ATP7A: variants seen among roughly 807,000 people sequenced by gnomAD.
ATP7A encodes the protein copper-transporting ATPase 1.
ATP7A carries 7 observed loss-of-function variants against 83.5 expected under a neutral mutation model. That is an observed-to-expected ratio of 0.08 (90% CI 0.05 to 0.16). The LOEUF is 0.16. Ranked by LOEUF, ATP7A falls within the 10% of genes least tolerant of loss-of-function variation. ATP7A has a pLI of 1.00. For missense variants in ATP7A, 940 were observed against 1,120.8 expected (o/e 0.84, Z 2.30); for synonymous variants, 354 against 395.2 (o/e 0.90, Z 1.24).
intron 1 of ATP7A, among the ~76,000 whole-genome samples, chrX:77,959,135 G>A (rs782714261): frequency 9.0e-6 from 1 of 110,723 alleles, no homozygotes; most frequent in Non-Finnish European, 1.9e-5. Flanking sequence ...CCTTGGTTAA[G>A]TTTATTCCTA....
chrX:77,955,574 A>G (rs1409176463), intron 1 of ATP7A, among the ~76,000 whole-genome samples: 1 of 111,842 alleles, frequency 8.9e-6, no homozygotes, highest in Non-Finnish European at 1.9e-5. Flanking sequence ...TGATACATCT[A>G]CATGTTGTAC....
At chrX:77,959,961 G>A (rs782120136) in intron 1 of ATP7A, among the ~76,000 whole-genome samples, 3 of 112,282 alleles carry the variant, frequency 2.7e-5, no homozygotes, top group Non-Finnish European at 5.6e-5. Context: ...GAGAGATCCT[G>A]TTTCTCCATA....
At chrX:78,037,986 T>G (rs1271009873) in intron 17 of ATP7A, among the ~76,000 whole-genome samples, 1 of 89,274 alleles carries the variant, frequency 1.1e-5, no homozygotes, top group Admixed American at 1.2e-4. Context: ...AAAGGTTTTT[T>G]TTTTTTTTTT....
intron 14 of ATP7A, among the ~76,000 whole-genome samples, chrX:78,026,597 T>C (rs939666160): frequency 8.9e-6 from 1 of 111,972 alleles, no homozygotes; most frequent in East Asian, 2.8e-4. Flanking sequence ...CTAATAGATA[T>C]CTACGGAATA....
At chrX:77,970,558 G>A (rs1557229548) in intron 1 of ATP7A, among the ~76,000 whole-genome samples, 1 of 111,561 alleles carries the variant, frequency 9.0e-6, no homozygotes, top group African/African-American at 3.3e-5. Flanking sequence ...CGTAATCTCA[G>A]GTACTGGGGA....
At chrX:78,018,649 T>C (rs1437340425) in intron 12 of ATP7A, among the ~76,000 whole-genome samples, 2 of 112,316 alleles carry the variant, frequency 1.8e-5, no homozygotes, top group Non-Finnish European at 3.8e-5. Context: ...CTTCCGCATT[T>C]TCAAGTATCT....
At chrX:77,918,688 C>T (rs1377825968) in intron 1 of ATP7A, among the ~76,000 whole-genome samples, 4 of 111,215 alleles carry the variant, frequency 3.6e-5, no homozygotes, top group Non-Finnish European at 7.5e-5. Flanking sequence ...ACCAGTAGAT[C>T]CCGATTTGCA....
intron 1 of ATP7A, among the ~76,000 whole-genome samples, chrX:77,944,648 G>A: frequency 9.2e-6 from 1 of 108,736 alleles, no homozygotes; most frequent in East Asian, 2.9e-4. Flanking sequence ...TGTTGCCCAG[G>A]CTGATCTTGA....
At chrX:78,008,415 C>T (rs985315342) in intron 6 of ATP7A, among the ~76,000 whole-genome samples, 1 of 111,429 alleles carries the variant, frequency 9.0e-6, no homozygotes, top group Admixed American at 9.6e-5. Context: ...ACTATAACCC[C>T]ACTCAAGATA....
intron 2 of ATP7A, among the ~76,000 whole-genome samples, chrX:77,978,262 G>C (rs1391014627): frequency 1.8e-5 from 2 of 110,374 alleles, no homozygotes; most frequent in Non-Finnish European, 3.8e-5. Context: ...GGGTTAGTAG[G>C]CTATTTGGCT....
Position 78,046,771 on chromosome X carries a change from T to G in ATP7A, c.*201T>G. The stretch of plus-strand genomic sequence containing the variant: ...GAACCTAGCTTTATTTAAACTGAAT[T>G]TCCAGTATATTTTTGTTTTCACTAA... On this transcript the variant is annotated 3_prime_UTR_variant, in exon 23 of 23. Transcript: ENST00000341514. The G allele has an allele frequency of 2.0e-6, 1 of 505,027 alleles. No homozygotes were observed. The highest frequency in any genetic ancestry group is 2.4e-5 in the African/African-American group (1 of 42,409). 41.6% of individuals were successfully genotyped at this position (505,027 alleles called of 1,213,427 possible). A position where few individuals can be genotyped will look rare whatever the true frequency, so the allele number is the denominator to read the frequency against.
chrX:78,040,078 C>G (rs1316590630), intron 18 of ATP7A, among the ~76,000 whole-genome samples: 1 of 110,830 alleles, frequency 9.0e-6, no homozygotes, highest in Non-Finnish European at 1.9e-5. Flanking sequence ...TTTACTATGG[C>G]CTTTTTAGGT....
intron 1 of ATP7A, among the ~76,000 whole-genome samples, chrX:77,916,598 C>T (rs1396679204): frequency 9.0e-6 from 1 of 110,645 alleles, no homozygotes; most frequent in Non-Finnish European, 1.9e-5. Context: ...TCCACATTCC[C>T]TAATTGTCAA....
At chrX:77,950,746 A>G (rs1376679953) in intron 1 of ATP7A, among the ~76,000 whole-genome samples, 1 of 111,407 alleles carries the variant, frequency 9.0e-6, no homozygotes, top group African/African-American at 3.3e-5. Context: ...AATGTCGTCC[A>G]GGCGCAGTGG....
At chrX:77,998,411 A>C in intron 4 of ATP7A, 67 bp from the exon 5 acceptor site, 1 of 1,069,536 alleles carries the variant, frequency 9.3e-7, no homozygotes. Flanking sequence ...ATGGATTGTG[A>C]TGCAAGGCAA....
chrX:77,973,201 T>C (rs1157256893), intron 2 of ATP7A, among the ~76,000 whole-genome samples: 2 of 111,917 alleles, frequency 1.8e-5, no homozygotes, highest in Non-Finnish European at 3.8e-5. Context: ...CAAATTTTTG[T>C]GTCTGTAAGT....
chrX:77,932,506 G>A (rs1557224619), intron 1 of ATP7A, among the ~76,000 whole-genome samples: 1 of 112,596 alleles, frequency 8.9e-6, no homozygotes, highest in African/African-American at 3.2e-5. Flanking sequence ...ACGGGGTGGC[G>A]GCCGGGCAGA....
chrX:78,017,126 C>T (rs1239986512), intron 12 of ATP7A, among the ~76,000 whole-genome samples: 1 of 112,643 alleles, frequency 8.9e-6, no homozygotes, highest in Admixed American at 9.4e-5. Flanking sequence ...GCAGAGGTTC[C>T]CAAACCTCCG....
chrX:77,944,698 G>C (rs1291894969), intron 1 of ATP7A, among the ~76,000 whole-genome samples: 1 of 110,134 alleles, frequency 9.1e-6, no homozygotes. Flanking sequence ...CCGGCCCCAA[G>C]TGGCTCTTTT....
Sources: allele counts gnomAD v4.1 joint callset (sites outside exome capture counted in the v4.1 genomes callset), GRCh38; gene constraint gnomAD v4.1.1; transcripts MANE v1.5; gene names NCBI Gene and HGNC (gene_info 2026-07-23, HGNC 2026-07-21).